The following SMARCE1 variants were observed in gnomAD, a reference collection of about 807,000 sequenced individuals.
SMARCE1 encodes the protein SWI/SNF related BAF chromatin remodeling complex subunit E1.
Under a neutral mutation model 54.9 loss-of-function variants are expected in SMARCE1, and 13 were observed. That is an observed-to-expected ratio of 0.24 (90% CI 0.15 to 0.38). SMARCE1 has a LOEUF of 0.38. Ranked by LOEUF, SMARCE1 falls within the 10% of genes least tolerant of loss-of-function variation. The pLI is 1.00. For missense variants in SMARCE1, 295 were observed against 523.8 expected (o/e 0.56, Z 4.26); for synonymous variants, 151 against 175.3 (o/e 0.86, Z 1.10).
At position 40,642,893 on chromosome 17, in the gene SMARCE1, G is replaced by A. The variant is rs2037214063; in HGVS notation, c.52-334C>T. 9.0e-6 allele frequency: 2 copies of A among 222,140 alleles called. No homozygotes were observed. The highest frequency in any genetic ancestry group is 4.6e-5 in the African/African-American group (2 of 43,460). The allele number at this position is 222,140 out of a possible 1,614,324, so 13.8% of individuals were successfully genotyped here. A position where few individuals can be genotyped will look rare whatever the true frequency, so the allele number is the denominator to read the frequency against. On this transcript the variant is annotated intron_variant, in intron 3 of 10. Transcript: ENST00000348513. This position sits in a 1 kb window ranked among gnomAD's most constrained non-coding sequence, Gnocchi z 4.6. ...AGGATTACTTTATGGTCAACAATAG[G>A]ATAAAACAACTTAGCAATATATGAA...
rs1491090372 is a variant in SMARCE1, at chr17:40,645,865, GGA to G, written c.-45-20_-45-19del. The G allele has an allele frequency of 1.3e-6, 1 of 753,656 alleles. No individual in the cohort carries two copies. Among genetic ancestry groups the G allele is most frequent in the East Asian group, 3.3e-5 (1 of 29,978 alleles). The allele number at this position is 753,656 out of a possible 1,614,324, so 46.7% of individuals were successfully genotyped here. ...CTGAGACACTAAAATAAAAAAAAAA[GGA>G]AAAAAAAAAGAGAATCAAAACTCAG... On this transcript the variant is annotated intron_variant, in intron 1 of 10. Coordinates refer to ENST00000348513, the MANE Select transcript of SMARCE1 (RefSeq NM_003079.5).
chr17:40,635,809 C>T (rs528887558), intron 7 of SMARCE1, 122 bp downstream of exon 7: 13 of 704,726 alleles, frequency 1.8e-5, no homozygotes, highest in Middle Eastern at 2.6e-4. Flanking sequence ...AATACTAAGA[C>T]GATACTTAAA....
At chr17:40,629,151 G>A (rs1180659479) in intron 10 of SMARCE1, 158 bp from the exon 11 acceptor site, 48 of 597,318 alleles carry the variant, frequency 8.0e-5, no homozygotes. Flanking sequence ...TTTTAAGAAT[G>A]TTGGAACAAT....
chr17:40,638,341 C>G (rs1276784357), intron 4 of SMARCE1, among the ~76,000 whole-genome samples: 2 of 151,658 alleles, frequency 1.3e-5, no homozygotes. Flanking sequence ...TAAAAATGTT[C>G]AGTTTTATGG....
rs2037085537 is a variant in SMARCE1 at position 40,630,755 on chromosome 17, C to T, written c.986G>A (p.Gly329Asp). The T allele has an allele frequency of 6.2e-7, 1 of 1,614,026 alleles. No homozygotes were observed. Among genetic ancestry groups the T allele is most frequent in the Non-Finnish European group, 8.5e-7 (1 of 1,180,036 alleles). Residue 329 changes from glycine to aspartate, a missense_variant, in exon 10 of 11, where the codon GGC becomes GAC. Coordinates refer to ENST00000348513, the MANE Select transcript of SMARCE1 (RefSeq NM_003079.5). ...GTTCTCGTCGTCTTTCTTCTCCTCG[C>T]CTTTGTTAGCTGCTTGTTCTTCCTC... ...VPEEEQAANKGEEKKDDENIP... is the reference protein window; with the variant it reads ...VPEEEQAANKDEEKKDDENIP...
intron 7 of SMARCE1, 163 bp from the exon 8 acceptor site, chr17:40,632,530 A>G (rs2037105407): frequency 3.3e-6 from 2 of 602,186 alleles, no homozygotes; most frequent in South Asian, 2.1e-5. Flanking sequence ...GATAAAAACC[A>G]TACAGAGGAC....
chr17:40,632,424 T>C, intron 7 of SMARCE1, 57 bp from the exon 8 acceptor site: 2 of 1,434,192 alleles, frequency 1.4e-6, no homozygotes, highest in Non-Finnish European at 1.9e-6. Context: ...AAAAGGAGTG[T>C]AACAATGTTA....
At chr17:40,630,272 GCTGGCAA>G in intron 10 of SMARCE1, 1 of 1,534,858 alleles carries the variant, frequency 6.5e-7, no homozygotes. Flanking sequence ...CTAGGACAGA[GCTGGCAA>G]TTTTTTTCTG....
intron 1 of SMARCE1, 22 bp from the exon 2 acceptor site, chr17:40,645,869 A>G: frequency 2.7e-6 from 2 of 752,762 alleles, no homozygotes; most frequent in Non-Finnish European, 3.9e-6. Context: ...AAAAAAGGAA[A>G]AAAAAAAGAG....
At chr17:40,634,509 T>A (rs1452979953) in intron 7 of SMARCE1, 1 of 152,262 alleles carries the variant, frequency 6.6e-6, no homozygotes, top group Non-Finnish European at 1.5e-5. Context: ...CTTTCTGTTA[T>A]GTACATTTGA....
At chr17:40,645,405 G>A in intron 3 of SMARCE1, 171 bp downstream of exon 3, 2 of 498,694 alleles carry the variant, frequency 4.0e-6, no homozygotes, top group African/African-American at 2.0e-5. Flanking sequence ...GTTGGTTCAA[G>A]GAAAGATGCA....
In SMARCE1 at chr17:40,642,204, A is replaced by C; in HGVS notation, c.156+251T>G. 1.7e-6 allele frequency: 1 copy of C among 601,964 alleles called. No homozygotes were observed. The highest frequency in any genetic ancestry group is 2.9e-6 in the Non-Finnish European group (1 of 341,866). 37.3% of individuals were successfully genotyped at this position (601,964 alleles called of 1,614,324 possible). ...TTTGTTTACATACAGTATAAGCATC[A>C]AGTGCTCAAGGCTTTAACCCTACCA... is the stretch of plus-strand genomic sequence containing the variant. On this transcript the variant is annotated intron_variant, in intron 4 of 10. Transcript: ENST00000348513. The surrounding 1 kb of genome is among the most constrained non-coding windows in gnomAD (Gnocchi z 4.6).
chr17:40,633,026 T>G (rs964819546), intron 7 of SMARCE1: 6 of 152,252 alleles, frequency 3.9e-5, no homozygotes, highest in African/African-American at 9.7e-5. Flanking sequence ...TGTTTCGTTT[T>G]GAGACAGAAT....
chr17:40,630,947 C>T (rs1194785782), intron 9 of SMARCE1, 23 bp from the exon 10 acceptor site: 2 of 1,583,552 alleles, frequency 1.3e-6, no homozygotes, highest in Non-Finnish European at 1.7e-6. Flanking sequence ...AAACAGAACT[C>T]CGTAATGTTT....
chr17:40,627,183 A>G lies in SMARCE1; in HGVS notation c.*1602T>C, dbSNP rs540939578. 6.6e-6 allele frequency: 1 copy of G among 152,344 alleles called. No individual in the cohort carries two copies. The highest frequency in any genetic ancestry group is 1.5e-5 in the Non-Finnish European group (1 of 68,026). 9.4% of individuals were successfully genotyped at this position (152,344 alleles called of 1,614,324 possible). On this transcript the variant is annotated 3_prime_UTR_variant, in exon 11 of 11. Transcript: ENST00000348513. ...CTCAAAACAGATCTATTTGATACAA[A>G]TTCGTTCTTTGACACACAAGGAAAC...
Position 40,628,554 on chromosome 17 carries a change from T to C in SMARCE1, c.*231A>G, listed in dbSNP as rs2037057492. The C allele has an allele frequency of 4.2e-6, 2 of 478,860 alleles. No individual in the cohort carries two copies. Among genetic ancestry groups the C allele is most frequent in the Non-Finnish European group, 7.5e-6 (2 of 265,824 alleles). 29.7% of individuals were successfully genotyped at this position (478,860 alleles called of 1,614,324 possible). A position where few individuals can be genotyped will look rare whatever the true frequency, so the allele number is the denominator to read the frequency against. On this transcript the variant is annotated 3_prime_UTR_variant, in exon 11 of 11. Coordinates refer to ENST00000348513, the MANE Select transcript of SMARCE1 (RefSeq NM_003079.5). ...TCAATTAATCTAAATTCTGAGGCTT[T>C]CAGCAGTTGAGGGCTAGAAACAAGA...
In SMARCE1 at chr17:40,626,575, T is replaced by G. The variant is rs1009406964; in HGVS notation, c.*2210A>C. 6.6e-6 allele frequency: 1 copy of G among 151,894 alleles called. No individual in the cohort carries two copies. Among genetic ancestry groups the G allele is most frequent in the African/African-American group, 2.4e-5 (1 of 41,288 alleles). The allele number at this position is 151,894 out of a possible 1,614,324, so 9.4% of individuals were successfully genotyped here. ...CTTCCCCTGCTGAGGTTCAGAGCTG[T>G]CAAATCCCAACTGAGGCCGGGCACA... On this transcript the variant is annotated 3_prime_UTR_variant, in exon 11 of 11. Coordinates refer to ENST00000348513, the MANE Select transcript of SMARCE1 (RefSeq NM_003079.5).
At chr17:40,637,206 T>C (rs1229034895) in intron 5 of SMARCE1, 2 of 408,694 alleles carry the variant, frequency 4.9e-6, no homozygotes, top group African/African-American at 4.1e-5. Context: ...CCTCCTTCAC[T>C]TAACATTTTC....
rs1060504227 is a variant in SMARCE1, at chr17:40,632,336, T to A, written c.573A>T (p.Thr191=). The A allele has an allele frequency of 1.9e-6, 3 of 1,614,050 alleles. No homozygotes were observed. The East Asian group carries it at 6.7e-5, about 36-fold the overall frequency. Reference sequence around the variant, plus strand: ...GGTTTCTCTGGAAACGGGCGGTGGCTGTATGCTTCATTGAAAAGCCATCAT... The same window carrying A: ...GGTTTCTCTGGAAACGGGCGGTGGCAGTATGCTTCATTGAAAAGCCATCAT... ...DYDDGFSMKH[T]ATARFQRNHR... Residue 191 remains threonine (T), a synonymous_variant, in exon 8 of 11, where the codon ACA becomes ACT. Coordinates refer to ENST00000348513, the MANE Select transcript of SMARCE1 (RefSeq NM_003079.5).
Sources: allele counts gnomAD v4.1 joint callset (sites outside exome capture counted in the v4.1 genomes callset), GRCh38; gene constraint gnomAD v4.1.1; non-coding constraint Gnocchi (gnomAD v3.1); transcripts MANE v1.5; gene names NCBI Gene and HGNC (gene_info 2026-07-23, HGNC 2026-07-21).